Variants in CC2D2A observed in about 807,000 individuals in gnomAD.
The protein encoded by CC2D2A is coiled-coil and C2 domain-containing protein 2A.
Under a neutral mutation model 212.9 loss-of-function variants are expected in CC2D2A, and 155 were observed. That is an observed-to-expected ratio of 0.73 (90% CI 0.64 to 0.83). The LOEUF (loss-of-function observed/expected upper bound fraction) is 0.83, where lower values mean the gene tolerates loss of function less well. Ranked by LOEUF, CC2D2A falls within the 40% of genes least tolerant of loss-of-function variation. CC2D2A has a pLI of 0.00. For missense variants in CC2D2A, 1,856 were observed against 1,956.2 expected, an observed-to-expected ratio of 0.95 and a Z score of 0.97; for synonymous variants, 667 against 686.5, an observed-to-expected ratio of 0.97 and a Z score of 0.44.
rs1019541781 is a variant in CC2D2A, at chr4:15,529,979, A to T, written c.1466+1253A>T. Among the ~76,000 whole-genome samples the T allele has an allele frequency of 3.9e-4, 56 of 142,276 alleles. 1 individual carries two copies. The highest frequency in any genetic ancestry group is 8.8e-4 in the South Asian group (4 of 4,528). The allele number at this position is 142,276 out of a possible 152,430, so 93.3% of individuals were successfully genotyped here. A position where few individuals can be genotyped will look rare whatever the true frequency, so the allele number is the denominator to read the frequency against. On this transcript the variant is annotated intron_variant, in intron 13 of 36. Coordinates refer to ENST00000424120, the MANE Select transcript of CC2D2A (RefSeq NM_001378615.1). ...ACATACGCATTTCTTTTTTATTTTT[A>T]TTTTTTTTTTGAGACGGAGTCTCAC...
chr4:15,533,157 T>A (rs1016342643), intron 13 of CC2D2A, 36 bp from the exon 14 acceptor site: 1 of 1,534,766 alleles, frequency 6.5e-7, no homozygotes, highest in East Asian at 2.4e-5. Context: ...ACACCTGACT[T>A]TTTAATATAT....
At chr4:15,503,225 C>A (rs1484927471) in intron 6 of CC2D2A, among the ~76,000 whole-genome samples, 1 of 152,078 alleles carries the variant, frequency 6.6e-6, no homozygotes, top group Non-Finnish European at 1.5e-5. Flanking sequence ...ATCACTTAGG[C>A]CCAGGAGTTC....
chr4:15,567,509 C>T (rs1460624770), intron 25 of CC2D2A, 27 bp downstream of exon 25: 2 of 1,577,778 alleles, frequency 1.3e-6, no homozygotes, highest in Non-Finnish European at 1.7e-6. Flanking sequence ...TTCAGCTTTC[C>T]ACCTTGCCCC....
rs1166982563 is a variant in CC2D2A at position 15,559,236 on chromosome 4, A to G, written c.2901A>G (p.Ile967Met). The change falls in exon 22 of 37, where the codon ATA becomes ATG. Residue 967 changes from isoleucine to methionine, a missense_variant. Ile to Met is a conservative substitution (Grantham distance 10). Transcript: ENST00000424120. ...TKEHIDTHRA[I>M]VAKYLQQVRE... ...AACACATAGACACCCATAGGGCCAT[A>G]GTAGCCAAGTACCTCCAGCAGGTAA... The G allele has an allele frequency of 1.9e-6, 3 of 1,551,748 alleles. No homozygotes were observed. The highest frequency in any genetic ancestry group is 2.0e-5 in the Admixed American group (1 of 51,112).
chr4:15,595,408 T>C (rs906696574), intron 33 of CC2D2A, among the ~76,000 whole-genome samples: 3 of 152,338 alleles, frequency 2.0e-5, no homozygotes, highest in Non-Finnish European at 1.5e-5. Context: ...CAATGCTAAC[T>C]AATAATAATT....
At chr4:15,563,643 T>C (rs1009123181) in intron 24 of CC2D2A, 121 bp downstream of exon 24, 17 of 1,106,330 alleles carry the variant, frequency 1.5e-5, no homozygotes, top group African/African-American at 3.1e-5. Context: ...GGACTGAGGG[T>C]TCTTGCAAAG....
chr4:15,560,728 T>C (rs1719546474), intron 23 of CC2D2A, 106 bp downstream of exon 23: 1 of 570,786 alleles, frequency 1.8e-6, no homozygotes, highest in Non-Finnish European at 3.1e-6. Flanking sequence ...TCGTATGGTA[T>C]GCATTTGGGC....
rs771831935 is a variant in CC2D2A at position 15,510,348 on chromosome 4, C to A, written c.540+108C>A. 5 of 923,920 alleles carry A rather than the reference C, an allele frequency of 5.4e-6. 1 individual carries two copies. In the East Asian group the frequency reaches 1.1e-4, roughly 20 times the overall value. The allele number at this position is 923,920 out of a possible 1,614,324, so 57.2% of individuals were successfully genotyped here. A position where few individuals can be genotyped will look rare whatever the true frequency, so the allele number is the denominator to read the frequency against. On this transcript the variant is annotated intron_variant, in intron 7 of 36. Transcript: ENST00000424120. ...TGGTGGCTCACGCCTGCAATCCCAG[C>A]GCTTTGGGAGGCCAAGACAGGCAGA...
chr4:15,511,562 C>A, intron 8 of CC2D2A, 139 bp downstream of exon 8: 1 of 736,510 alleles, frequency 1.4e-6, no homozygotes, highest in Non-Finnish European at 2.0e-6. Flanking sequence ...GTTGAAATCC[C>A]AAGTACTGAA....
rs1480722039 is a variant in CC2D2A, at chr4:15,515,954, G to A, written c.967G>A (p.Ala323Thr). 12 of 1,578,672 alleles carry A rather than the reference G, an allele frequency of 7.6e-6. No individual in the cohort carries two copies. The highest frequency in any genetic ancestry group is 1.8e-5 in the Admixed American group (1 of 54,930). The change falls in exon 10 of 37, where the codon GCA becomes ACA. Residue 323 changes from alanine (A) to threonine (T), a missense_variant. Coordinates refer to ENST00000424120, the MANE Select transcript of CC2D2A (RefSeq NM_001378615.1). ...GLYTGVRPEV[A>T]RTNQNIMENR... Reference sequence around the variant, plus strand: ...TTACACCGGGGTAAGACCAGAGGTGGCACGCACCAATCAGAACATCATGGA... The same window carrying A: ...TTACACCGGGGTAAGACCAGAGGTGACACGCACCAATCAGAACATCATGGA...
chr4:15,598,182 G>A (rs76985947), intron 35 of CC2D2A, among the ~76,000 whole-genome samples: 3 of 152,152 alleles, frequency 2.0e-5, no homozygotes, highest in Admixed American at 6.5e-5. Flanking sequence ...ACATGCTATC[G>A]ATTGGACCCA....
chr4:15,555,413 C>T (rs531317299), intron 20 of CC2D2A, among the ~76,000 whole-genome samples: 41 of 152,222 alleles, frequency 2.7e-4, no homozygotes, highest in East Asian at 7.7e-4. Flanking sequence ...GCTGTCATAG[C>T]GGGGTCATGA....
intron 24 of CC2D2A, among the ~76,000 whole-genome samples, chr4:15,566,096 T>C (rs529909487): frequency 6.6e-6 from 1 of 152,222 alleles, no homozygotes; most frequent in Non-Finnish European, 1.5e-5. Context: ...TGGCAAACCA[T>C]AAGGTTCAAT....
chr4:15,506,331 C>G (rs1716253356), intron 6 of CC2D2A, among the ~76,000 whole-genome samples: 1 of 152,162 alleles, frequency 6.6e-6, no homozygotes, highest in Non-Finnish European at 1.5e-5. Flanking sequence ...ATAAAACCAT[C>G]AATACTGCAA....
intron 3 of CC2D2A, 57 bp from the exon 4 acceptor site, chr4:15,480,647 G>C: frequency 3.2e-6 from 5 of 1,558,136 alleles, no homozygotes; most frequent in Non-Finnish European, 4.3e-6. Flanking sequence ...TCCCAAGAGA[G>C]GAACAGACTC....
At chr4:15,502,379 T>G in intron 4 of CC2D2A, 50 bp from the exon 5 acceptor site, 1 of 1,462,618 alleles carries the variant, frequency 6.8e-7, no homozygotes, top group Non-Finnish European at 9.3e-7. Context: ...CCTTTTTCTT[T>G]TCTTTTTCTT....
At chr4:15,549,508 T>C (rs1718883416) in intron 17 of CC2D2A, among the ~76,000 whole-genome samples, 1 of 152,164 alleles carries the variant, frequency 6.6e-6, no homozygotes, top group Non-Finnish European at 1.5e-5. Context: ...CAGTCACCAC[T>C]TCATCCTCAC....
chr4:15,590,704 A>G (rs1721064191), intron 33 of CC2D2A, among the ~76,000 whole-genome samples: 1 of 152,154 alleles, frequency 6.6e-6, no homozygotes, highest in African/African-American at 2.4e-5. Context: ...AATGTTAAGC[A>G]CCTAACAGAG....
intron 11 of CC2D2A, among the ~76,000 whole-genome samples, chr4:15,521,770 T>C (rs1389964199): frequency 6.6e-6 from 1 of 152,252 alleles, no homozygotes; most frequent in East Asian, 1.9e-4. Context: ...GCTGCGTGTA[T>C]TAAAAGAAAT....
Sources: gnomAD v4.1 joint callset for allele counts (sites outside exome capture counted in the v4.1 genomes callset) on GRCh38, gnomAD v4.1.1 for gene constraint, MANE v1.5 for transcripts, NCBI Gene and HGNC (gene_info 2026-07-23, HGNC 2026-07-21) for gene names.